Variants in HSF2BP observed in about 807,000 individuals in gnomAD.
The protein encoded by HSF2BP is heat shock factor 2-binding protein.
In HSF2BP, 35 loss-of-function variants were observed where a neutral mutation model predicts 35.0. The ratio of observed to expected loss-of-function variants is 1.00; its 90% CI spans 0.76 to 1.32. The LOEUF (loss-of-function observed/expected upper bound fraction) is 1.32, where lower values mean the gene tolerates loss of function less well. Ranked by LOEUF, HSF2BP falls within the 40% of genes most tolerant of loss-of-function variation. HSF2BP has a pLI of 0.00. For synonymous variants in HSF2BP, 114 were observed against 117.4 expected (o/e 0.97, Z 0.18); for missense variants, 326 against 321.7 (o/e 1.01, Z -0.10).
At chr21:43,649,300 G>T (rs1453229616) in intron 3 of HSF2BP, among the ~76,000 whole-genome samples, 1 of 151,818 alleles carries the variant, frequency 6.6e-6, no homozygotes, top group Non-Finnish European at 1.5e-5. Context: ...GGGCATGATG[G>T]CGCGCACCTG....
intron 5 of HSF2BP, among the ~76,000 whole-genome samples, chr21:43,631,964 C>CT (rs2082465103): frequency 5.0e-5 from 1 of 19,824 alleles, no homozygotes; most frequent in Non-Finnish European, 8.7e-5. Flanking sequence ...CACACACACT[C>CT]CCCCCCCACA....
At chr21:43,604,828 C>CCACACACACCACACAT (rs1270513010) in intron 7 of HSF2BP, among the ~76,000 whole-genome samples, 1 of 131,874 alleles carries the variant, frequency 7.6e-6, no homozygotes, top group African/African-American at 2.8e-5. Flanking sequence ...ACATCGCACA[C>CCACACACACCACACAT]CACACACACC....
In HSF2BP at chr21:43,582,314, ATAAGGGCCTGTTGCGGGAG is replaced by A. The variant is rs1421141632; in HGVS notation, c.796+9892_796+9910del. On this transcript the variant is annotated intron_variant, in intron 8 of 8. Transcript: ENST00000291560. ...GGGGGATGAAGACCTGCTGTGGGAG[ATAAGGGCCTGTTGCGGGAG>A]ATGAGGGCCGGCTGAGGGAGATGAA... 4.9e-4 allele frequency among the ~76,000 whole-genome samples: 58 copies of A among 119,152 alleles called. 5 individuals carry two copies. Among genetic ancestry groups the A allele is most frequent in the African/African-American group, 2.0e-3 (52 of 25,840 alleles). The allele number at this position is 119,152 out of a possible 152,430, so 78.2% of individuals were successfully genotyped here. A position where few individuals can be genotyped will look rare whatever the true frequency, so the allele number is the denominator to read the frequency against.
At chr21:43,467,912 ACAC>A in the HSF2BP span, among the ~76,000 whole-genome samples, 1 of 114,466 alleles carries the variant, frequency 8.7e-6, no homozygotes, top group Admixed American at 8.8e-5. Context: ...CACGCACCAC[ACAC>A]CACACACACC....
At chr21:43,499,957 C>T in the HSF2BP span, among the ~76,000 whole-genome samples, 1 of 97,398 alleles carries the variant, frequency 1.0e-5, no homozygotes, top group African/African-American at 5.0e-5. Flanking sequence ...ACTCCACGCA[C>T]CATACATGCA....
At chr21:43,641,695 C>T (rs2082638584) in intron 4 of HSF2BP, among the ~76,000 whole-genome samples, 1 of 152,170 alleles carries the variant, frequency 6.6e-6, no homozygotes, top group African/African-American at 2.4e-5. Context: ...CGCCTGTAAA[C>T]CCAGCACTTT....
intron 5 of HSF2BP, 122 bp downstream of exon 5, chr21:43,633,150 T>C (rs1011454970): frequency 2.0e-6 from 2 of 1,023,956 alleles, no homozygotes; most frequent in African/African-American, 1.6e-5. Context: ...AACTAGCTGA[T>C]GAGTGAACAA....
chr21:43,657,995 G>A (rs1407977957), intron 2 of HSF2BP, 66 bp downstream of exon 2: 2 of 1,532,502 alleles, frequency 1.3e-6, no homozygotes, highest in Non-Finnish European at 1.7e-6. Context: ...CACGGGGCGA[G>A]GCCCTGAGGG....
At chr21:43,574,746 A>G (rs1438147279) in intron 8 of HSF2BP, among the ~76,000 whole-genome samples, 1 of 152,028 alleles carries the variant, frequency 6.6e-6, no homozygotes, top group African/African-American at 2.4e-5. Flanking sequence ...CAGGGCACAC[A>G]GGGCCGCCCT....
the HSF2BP span, among the ~76,000 whole-genome samples, chr21:43,507,409 T>C: frequency 3.1e-3 from 175 of 55,732 alleles, 2 homozygotes; most frequent in African/African-American, 0.012. Context: ...AATGCATGTC[T>C]CAATTAATTA....
At chr21:43,607,252 T>G (rs904810573) in intron 7 of HSF2BP, among the ~76,000 whole-genome samples, 1 of 150,068 alleles carries the variant, frequency 6.7e-6, no homozygotes, top group South Asian at 2.1e-4. Flanking sequence ...ATTATGCCAC[T>G]GCACTCCAGC....
intron 3 of HSF2BP, among the ~76,000 whole-genome samples, 178 bp downstream of exon 3, chr21:43,656,409 C>T (rs1226828729): frequency 1.3e-5 from 2 of 152,232 alleles, no homozygotes; most frequent in African/African-American, 2.4e-5. Context: ...TACCAACTTA[C>T]ATATGTCCAA....
chr21:43,610,826 G>A (rs1174215988), intron 7 of HSF2BP, among the ~76,000 whole-genome samples: 1 of 152,098 alleles, frequency 6.6e-6, no homozygotes, highest in Non-Finnish European at 1.5e-5. Flanking sequence ...AAAACTCCTG[G>A]AGAACTCTCA....
At chr21:43,620,878 C>G (rs934851959) in intron 6 of HSF2BP, among the ~76,000 whole-genome samples, 1 of 151,924 alleles carries the variant, frequency 6.6e-6, no homozygotes, top group Non-Finnish European at 1.5e-5. Flanking sequence ...ATCAAAAACA[C>G]AGAGAGGAGA....
chr21:43,620,335 T>C (rs2082317425), intron 6 of HSF2BP, among the ~76,000 whole-genome samples: 1 of 152,166 alleles, frequency 6.6e-6, no homozygotes, highest in Non-Finnish European at 1.5e-5. Context: ...AATTCAGTCA[T>C]CTCCAAGATA....
chr21:43,610,086 T>A (rs185427883), intron 7 of HSF2BP: 26 of 152,326 alleles, frequency 1.7e-4, no homozygotes, highest in East Asian at 1.9e-4. Flanking sequence ...AAAGAGGCAA[T>A]GGATTAGTAT....
intron 6 of HSF2BP, among the ~76,000 whole-genome samples, chr21:43,619,536 AAC>A (rs1347184587): frequency 6.6e-6 from 1 of 152,252 alleles, no homozygotes; most frequent in Admixed American, 6.5e-5. Flanking sequence ...AAAAACTCTG[AAC>A]AGACAGTAAG....
chr21:43,652,287 C>T (rs762062382), intron 3 of HSF2BP, among the ~76,000 whole-genome samples: 1 of 151,838 alleles, frequency 6.6e-6, no homozygotes, highest in Admixed American at 6.6e-5. Flanking sequence ...CCTGTATTCC[C>T]AGCTACTCTG....
intron 8 of HSF2BP, among the ~76,000 whole-genome samples, chr21:43,587,146 T>G (rs1273354915): frequency 6.6e-6 from 1 of 152,176 alleles, no homozygotes; most frequent in Non-Finnish European, 1.5e-5. Context: ...GTAAACTATA[T>G]ATTCACCTTC....
Sources: allele counts gnomAD v4.1 joint callset (sites outside exome capture counted in the v4.1 genomes callset), GRCh38; gene constraint gnomAD v4.1.1; transcripts MANE v1.5; gene names NCBI Gene and HGNC (gene_info 2026-07-23, HGNC 2026-07-21).